Variants in CAPZB observed in about 807,000 individuals in gnomAD.
CAPZB encodes capping actin protein of muscle Z-line subunit beta.
Under a neutral mutation model 38.1 loss-of-function variants are expected in CAPZB, and 2 were observed. The observed-to-expected ratio is 0.05, with a 90% confidence interval of 0.02 to 0.17. The LOEUF is 0.17. Among genes scored for constraint, CAPZB ranks in the 10% least tolerant of loss-of-function variants. CAPZB has a pLI of 1.00. For missense variants in CAPZB, 161 were observed against 334.2 expected (o/e 0.48, Z 4.04); for synonymous variants, 107 against 127.4 (o/e 0.84, Z 1.08).
intron 1 of CAPZB, chr1:19,449,177 G>A (rs952663557): frequency 6.3e-6 from 8 of 1,276,596 alleles, no homozygotes; most frequent in African/African-American, 1.5e-5. Flanking sequence ...AGTGCACTGC[G>A]GTGTCTCTGA....
chr1:19,403,844 A>C lies in CAPZB; in HGVS notation c.93+15817T>G, dbSNP rs192537021. 2.3e-3 allele frequency among the ~76,000 whole-genome samples: 351 copies of C among 152,248 alleles called. 2 individuals carry two copies. Among genetic ancestry groups the C allele is most frequent in the African/African-American group, 8.3e-3 (346 of 41,556 alleles). On this transcript the variant is annotated intron_variant, in intron 2 of 8. Transcript: ENST00000264202. Reference sequence around the variant, plus strand: ...TTTGGGCAGGTGGAACTACATCTCCACTGGCCTTCAGCAGCCTGAGCTGCA... The same window carrying C: ...TTTGGGCAGGTGGAACTACATCTCCCCTGGCCTTCAGCAGCCTGAGCTGCA...
intron 4 of CAPZB, among the ~76,000 whole-genome samples, chr1:19,364,851 T>C (rs536029585): frequency 4.0e-4 from 61 of 152,218 alleles, no homozygotes; most frequent in South Asian, 6.2e-4. Flanking sequence ...CTTTTTTTTT[T>C]TCTCTCTTTT....
intron 1 of CAPZB, among the ~76,000 whole-genome samples, chr1:19,449,941 A>C (rs1558272545): frequency 6.6e-6 from 1 of 151,814 alleles, no homozygotes; most frequent in Non-Finnish European, 1.5e-5. Context: ...CAGGAGTTTG[A>C]GATCAGCCTG....
intron 2 of CAPZB, among the ~76,000 whole-genome samples, chr1:19,397,461 G>A (rs2094277686): frequency 6.6e-6 from 1 of 152,204 alleles, no homozygotes; most frequent in South Asian, 2.1e-4. Flanking sequence ...AAAGCCATGC[G>A]ATCCCACCCT....
intron 1 of CAPZB, chr1:19,424,522 A>T (rs75797435): frequency 0.032 from 4,936 of 152,474 alleles, 102 homozygotes; most frequent in Non-Finnish European, 0.05. Context: ...CAATATGGTG[A>T]CTTCCTGGGA....
intron 8 of CAPZB, chr1:19,342,660 G>A: frequency 1.3e-6 from 1 of 772,804 alleles, no homozygotes; most frequent in East Asian, 2.6e-5. Flanking sequence ...TGGTTTAAAT[G>A]GCCGCGGAGC....
intron 4 of CAPZB, among the ~76,000 whole-genome samples, chr1:19,361,922 G>A (rs975190461): frequency 2.6e-5 from 4 of 152,174 alleles, no homozygotes; most frequent in African/African-American, 4.8e-5. Context: ...CTCTACCATC[G>A]CCAGCGACTC....
intron 2 of CAPZB, among the ~76,000 whole-genome samples, chr1:19,414,921 G>C (rs909120321): frequency 4.6e-5 from 7 of 152,240 alleles, no homozygotes; most frequent in African/African-American, 2.4e-5. Context: ...ATCTGCAAAG[G>C]AAGGTCATTT....
At chr1:19,376,215 G>A (rs1228950233) in intron 4 of CAPZB, among the ~76,000 whole-genome samples, 2 of 152,326 alleles carry the variant, frequency 1.3e-5, no homozygotes, top group South Asian at 2.1e-4. Context: ...TAGAACAGAA[G>A]GGGTGAGGCC....
At chr1:19,405,960 G>A (rs949623065) in intron 2 of CAPZB, among the ~76,000 whole-genome samples, 3 of 152,224 alleles carry the variant, frequency 2.0e-5, no homozygotes, top group African/African-American at 7.2e-5. Flanking sequence ...TTGGTTGGCA[G>A]TCATTTGCAA....
At chr1:19,380,831 T>C (rs2094170290) in intron 3 of CAPZB, among the ~76,000 whole-genome samples, 1 of 151,952 alleles carries the variant, frequency 6.6e-6, no homozygotes, top group African/African-American at 2.4e-5. Flanking sequence ...CCTAGAACAG[T>C]GCCTGGCACT....
At chr1:19,441,412 G>A (rs541561269) in intron 1 of CAPZB, among the ~76,000 whole-genome samples, 19 of 152,296 alleles carry the variant, frequency 1.2e-4, no homozygotes, top group African/African-American at 4.3e-4. Context: ...GCCCAGCACA[G>A]GGAAAGAGGA....
chr1:19,471,134 C>T (rs754841320), intron 1 of CAPZB, among the ~76,000 whole-genome samples: 3 of 152,162 alleles, frequency 2.0e-5, no homozygotes, highest in Non-Finnish European at 2.9e-5. Flanking sequence ...CTGATAACAT[C>T]GAACAATTCT....
intron 3 of CAPZB, among the ~76,000 whole-genome samples, chr1:19,380,837 G>A (rs180743273): frequency 6.6e-6 from 1 of 151,988 alleles, no homozygotes; most frequent in East Asian, 1.9e-4. Flanking sequence ...ACAGTGCCTG[G>A]CACTCAACTA....
chr1:19,455,884 T>C (rs1029249352), intron 1 of CAPZB, among the ~76,000 whole-genome samples: 4 of 152,222 alleles, frequency 2.6e-5, no homozygotes, highest in Non-Finnish European at 4.4e-5. Context: ...GCCAGTTTCC[T>C]ACATTTTATA....
At chr1:19,441,746 G>A (rs1320264527) in intron 1 of CAPZB, among the ~76,000 whole-genome samples, 1 of 151,772 alleles carries the variant, frequency 6.6e-6, no homozygotes, top group African/African-American at 2.4e-5. Context: ...AGTGGCTCAT[G>A]CCTATAATCC....
chr1:19,374,469 T>G (rs552780700), intron 4 of CAPZB: 26 of 152,372 alleles, frequency 1.7e-4, no homozygotes, highest in African/African-American at 6.0e-4. Flanking sequence ...GAATCGTGAA[T>G]TAAAGACCCT....
chr1:19,345,322 C>A, intron 6 of CAPZB, 70 bp from the exon 7 acceptor site: 1 of 1,246,666 alleles, frequency 8.0e-7, no homozygotes, highest in South Asian at 1.2e-5. Context: ...CAGCCCACCC[C>A]ACCTCCACGG....
chr1:19,350,942 CTG>C (rs1487366637), intron 6 of CAPZB, among the ~76,000 whole-genome samples: 2 of 144,266 alleles, frequency 1.4e-5, no homozygotes, highest in Non-Finnish European at 3.1e-5. Context: ...GAGCATAAAA[CTG>C]TGTGTAAAAC....
Sources: allele counts gnomAD v4.1 joint callset (sites outside exome capture counted in the v4.1 genomes callset), GRCh38; gene constraint gnomAD v4.1.1; transcripts MANE v1.5; gene names NCBI Gene and HGNC (gene_info 2026-07-23, HGNC 2026-07-21).